PCDHGA2: variants seen among roughly 807,000 people sequenced by gnomAD.
The protein encoded by PCDHGA2 is protocadherin gamma-A2.
PCDHGA2 carries 40 observed loss-of-function variants against 59.2 expected under a neutral mutation model. The ratio of observed to expected loss-of-function variants is 0.68; its 90% CI spans 0.52 to 0.88. The LOEUF is 0.88. PCDHGA2 is among the 40% of genes least tolerant of loss of function. The pLI is 0.00. For synonymous variants in PCDHGA2, 560 were observed against 526.0 expected, an observed-to-expected ratio of 1.06 and a Z score of -0.89; for missense variants, 1,226 against 1,204.0, an observed-to-expected ratio of 1.02 and a Z score of -0.27.
chr5:141,351,889 C>A (rs1758860540), intron 1 of PCDHGA2: 1 of 1,613,278 alleles, frequency 6.2e-7, no homozygotes, highest in Non-Finnish European at 8.5e-7. Context: ...CCAACGTGAG[C>A]CTGCGCGTGT....
chr5:141,367,840 G>A (rs1011519474), intron 1 of PCDHGA2: 3 of 151,982 alleles, frequency 2.0e-5, no homozygotes, highest in Admixed American at 2.0e-4. Flanking sequence ...AATACCTACT[G>A]CAATGTTAGC....
chr5:141,366,157 T>G, intron 1 of PCDHGA2: 1 of 1,614,080 alleles, frequency 6.2e-7, no homozygotes, highest in Non-Finnish European at 8.5e-7. Flanking sequence ...ACCGCCTGCT[T>G]AAGGCCAGCG....
intron 1 of PCDHGA2, chr5:141,346,475 T>A: frequency 6.2e-7 from 1 of 1,613,716 alleles, no homozygotes; most frequent in Non-Finnish European, 8.5e-7. Flanking sequence ...TATTTATTTC[T>A]TTGATTATTA....
chr5:141,499,485 A>G (rs1278629076), intron 2 of PCDHGA2, among the ~76,000 whole-genome samples: 2 of 152,226 alleles, frequency 1.3e-5, no homozygotes, highest in Non-Finnish European at 2.9e-5. Flanking sequence ...ACCACCAACT[A>G]CAGTTTAATA....
Position 141,410,050 on chromosome 5 carries a change from C to T in PCDHGA2, c.2424+68655C>T, listed in dbSNP as rs762077790. ...TGCTGCAGGCCAGTGAGCCCGGACT[C>T]TTCAGCCTGGGGCTGCGCACTGGGG... On this transcript the variant is annotated intron_variant, in intron 1 of 3. Coordinates refer to ENST00000394576, the MANE Select transcript of PCDHGA2 (RefSeq NM_018915.4). The T allele has an allele frequency of 6.2e-6, 10 of 1,613,180 alleles. No homozygotes were observed. In the East Asian group the frequency reaches 1.6e-4, roughly 25 times the overall value.
Position 141,485,227 on chromosome 5 carries a change from G to T in PCDHGA2, c.2425-9580G>T. Reference sequence around the variant, plus strand: ...AAATCTGGCGGTGGGCTACCCTTTTGTTCCTCTTTTACCACCTGGGTTACG... The same window carrying T: ...AAATCTGGCGGTGGGCTACCCTTTTTTTCCTCTTTTACCACCTGGGTTACG... On this transcript the variant is annotated intron_variant, in intron 1 of 3. Transcript: ENST00000394576. The surrounding 1 kb of genome is among the most constrained non-coding windows in gnomAD (Gnocchi z 5.7). The T allele has an allele frequency of 6.2e-7, 1 of 1,614,186 alleles. No individual in the cohort carries two copies. Among genetic ancestry groups the T allele is most frequent in the Non-Finnish European group, 8.5e-7 (1 of 1,180,020 alleles).
At position 141,486,891 on chromosome 5, in the gene PCDHGA2, G is replaced by C. The variant is rs201201426; in HGVS notation, c.2425-7916G>C. On this transcript the variant is annotated intron_variant, in intron 1 of 3. Transcript: ENST00000394576. This position sits in a 1 kb window ranked among gnomAD's most constrained non-coding sequence, Gnocchi z 5.0. ...GTGCTCCGTCCTCGGGCCCGGCCTGGTTCCTTATGTCCCCAAGCACTGCCT... is the reference window on the plus strand; with the variant it reads ...GTGCTCCGTCCTCGGGCCCGGCCTGCTTCCTTATGTCCCCAAGCACTGCCT... 14 of 1,614,118 alleles carry C rather than the reference G, an allele frequency of 8.7e-6. No homozygotes were observed. The highest frequency in any genetic ancestry group is 3.3e-5 in the Admixed American group (2 of 60,008).
rs750774158 is a variant in PCDHGA2 at position 141,389,140 on chromosome 5, C to A, written c.2424+47745C>A. 3.1e-6 allele frequency: 5 copies of A among 1,613,878 alleles called. No homozygotes were observed. In the Admixed American group the frequency reaches 8.3e-5, roughly 27 times the overall value. On this transcript the variant is annotated intron_variant, in intron 1 of 3. Coordinates refer to ENST00000394576, the MANE Select transcript of PCDHGA2 (RefSeq NM_018915.4). ...GAGCAGAATCCAGAGTACAATATAA[C>A]CGTTACGGCAACAGATCGGGGCAAG...
chr5:141,423,551 A>T, intron 1 of PCDHGA2: 2 of 1,613,616 alleles, frequency 1.2e-6, no homozygotes, highest in Non-Finnish European at 1.7e-6. Context: ...CCCCAGCCCA[A>T]CTATGGGGAC....
chr5:141,415,387 G>A (rs1347191224), intron 1 of PCDHGA2: 2 of 1,614,168 alleles, frequency 1.2e-6, no homozygotes. Context: ...CGGCTTGACA[G>A]GTGTGTCCGG....
At chr5:141,341,605 A>G in intron 1 of PCDHGA2, 2 of 980,126 alleles carry the variant, frequency 2.0e-6, no homozygotes, top group Non-Finnish European at 2.9e-6. Context: ...CAATGAATGT[A>G]AACCAGGAGT....
Position 141,409,074 on chromosome 5 carries a change from T to C in PCDHGA2, c.2424+67679T>C, listed in dbSNP as rs375843119. The C allele has an allele frequency of 4.3e-5, 69 of 1,613,884 alleles. No homozygotes were observed. Among genetic ancestry groups the C allele is most frequent in the South Asian group, 2.4e-4 (22 of 91,084 alleles). On this transcript the variant is annotated intron_variant, in intron 1 of 3. Coordinates refer to ENST00000394576, the MANE Select transcript of PCDHGA2 (RefSeq NM_018915.4). The stretch of plus-strand genomic sequence containing the variant: ...AGCACTGCCCAGAGCACAAAACATA[T>C]GTTCTCATTGGATGAGAAAACAGGT...
chr5:141,383,899 C>G (rs560928380), intron 1 of PCDHGA2: 10 of 1,613,958 alleles, frequency 6.2e-6, no homozygotes, highest in South Asian at 1.1e-5. Context: ...GGCAAAAGTA[C>G]TGATCACAGT....
chr5:141,419,785 G>T, intron 1 of PCDHGA2: 2 of 1,614,052 alleles, frequency 1.2e-6, no homozygotes, highest in Non-Finnish European at 1.7e-6. Flanking sequence ...GCCAGCGCCT[G>T]CTAGTCGCTG....
intron 1 of PCDHGA2, chr5:141,344,961 G>A: frequency 1.2e-6 from 2 of 1,613,836 alleles, no homozygotes; most frequent in Non-Finnish European, 8.5e-7. Context: ...TCTAGATTAT[G>A]AGGATGCCAT....
At position 141,393,913 on chromosome 5, in the gene PCDHGA2, C is replaced by T. The variant is rs1170452204; in HGVS notation, c.2424+52518C>T. ...AATTCTCTTCCCGGGACAGTAATTG[C>T]CTTCTTGAGTGTGCATGACCAAGAC... On this transcript the variant is annotated intron_variant, in intron 1 of 3. Coordinates refer to ENST00000394576, the MANE Select transcript of PCDHGA2 (RefSeq NM_018915.4). 3.1e-6 allele frequency: 5 copies of T among 1,613,780 alleles called. No homozygotes were observed. The South Asian group carries it at 3.3e-5, about 11-fold the overall frequency.
intron 1 of PCDHGA2, among the ~76,000 whole-genome samples, chr5:141,406,668 G>A (rs1415631899): frequency 3.3e-5 from 5 of 152,122 alleles, no homozygotes; most frequent in African/African-American, 7.2e-5. Flanking sequence ...TTAAATTATG[G>A]AGAATAGTAG....
chr5:141,364,832 C>G lies in PCDHGA2; in HGVS notation c.2424+23437C>G, dbSNP rs538468873. On this transcript the variant is annotated intron_variant, in intron 1 of 3. Coordinates refer to ENST00000394576, the MANE Select transcript of PCDHGA2 (RefSeq NM_018915.4). ...TGCGGATGTGGGTGTGAACTCTCTCCGGAGTTACCAGCTCAGCTCCAATCT... is the reference window on the plus strand; with the variant it reads ...TGCGGATGTGGGTGTGAACTCTCTCGGGAGTTACCAGCTCAGCTCCAATCT... The G allele has an allele frequency of 5.0e-6, 8 of 1,614,012 alleles. No individual in the cohort carries two copies. The African/African-American group carries it at 5.3e-5, about 11-fold the overall frequency.
At chr5:141,398,905 A>C in intron 1 of PCDHGA2, 1 of 1,613,984 alleles carries the variant, frequency 6.2e-7, no homozygotes, top group Non-Finnish European at 8.5e-7. Context: ...ACCAGGCACC[A>C]CTGTGTTGCA....
Sources: gnomAD v4.1 joint callset for allele counts (sites outside exome capture counted in the v4.1 genomes callset) on GRCh38, gnomAD v4.1.1 for gene constraint, Gnocchi (gnomAD v3.1) non-coding constraint, MANE v1.5 for transcripts, NCBI Gene and HGNC (gene_info 2026-07-23, HGNC 2026-07-21) for gene names.